PTPRN2: variants seen among roughly 807,000 people sequenced by gnomAD.
PTPRN2 encodes receptor-type tyrosine-protein phosphatase N2.
In PTPRN2, 74 loss-of-function variants were observed where a neutral mutation model predicts 118.8. The ratio of observed to expected loss-of-function variants is 0.62; its 90% CI spans 0.52 to 0.76. PTPRN2 has a LOEUF of 0.76. PTPRN2 is among the 30% of genes least tolerant of loss of function. PTPRN2 has a pLI of 0.00. For synonymous variants in PTPRN2, 641 were observed against 608.0 expected (o/e 1.05, Z -0.80); for missense variants, 1,481 against 1,394.4 (o/e 1.06, Z -0.99).
chr7:158,566,865 G>A (rs536050018), intron 1 of PTPRN2, among the ~76,000 whole-genome samples: 20 of 152,136 alleles, frequency 1.3e-4, no homozygotes, highest in East Asian at 3.9e-4. Flanking sequence ...ATAGGGAGCC[G>A]CTACCACACC....
At chr7:157,968,889 G>A (rs1211792807) in intron 11 of PTPRN2, among the ~76,000 whole-genome samples, 1 of 152,164 alleles carries the variant, frequency 6.6e-6, no homozygotes, top group Admixed American at 6.5e-5. Flanking sequence ...GAGTTAAAAC[G>A]AGCAGTAGGC....
intron 12 of PTPRN2, among the ~76,000 whole-genome samples, chr7:157,793,470 G>T (rs1299320526): frequency 6.6e-6 from 1 of 151,750 alleles, no homozygotes; most frequent in African/African-American, 2.4e-5. Context: ...ATTGGGGGAG[G>T]AAAGGATCTG....
chr7:157,700,906 C>T (rs568930367), intron 12 of PTPRN2, among the ~76,000 whole-genome samples: 1 of 152,200 alleles, frequency 6.6e-6, no homozygotes, highest in Non-Finnish European at 1.5e-5. Flanking sequence ...TGTTTGAGGT[C>T]GAATGCTGAG....
intron 2 of PTPRN2, among the ~76,000 whole-genome samples, chr7:158,480,215 C>T (rs542707527): frequency 6.6e-6 from 1 of 152,286 alleles, no homozygotes; most frequent in East Asian, 1.9e-4. Flanking sequence ...ACGTGCTCAT[C>T]GCCTGTCTCT....
chr7:158,180,012 G>A (rs1270846024), intron 5 of PTPRN2, among the ~76,000 whole-genome samples: 1 of 152,262 alleles, frequency 6.6e-6, no homozygotes, highest in Non-Finnish European at 1.5e-5. Flanking sequence ...TGCAGGAGCA[G>A]TCACAGAGCT....
chr7:158,357,658 A>C (rs1369886210), intron 2 of PTPRN2, among the ~76,000 whole-genome samples: 3 of 152,238 alleles, frequency 2.0e-5, no homozygotes, highest in African/African-American at 7.2e-5. Flanking sequence ...TGCAGCCGTC[A>C]GCCATCAGCA....
chr7:158,502,096 C>G (rs867830965), intron 1 of PTPRN2, among the ~76,000 whole-genome samples: 1 of 152,126 alleles, frequency 6.6e-6, no homozygotes, highest in Non-Finnish European at 1.5e-5. Context: ...ATCCCAGGGC[C>G]GGGAGAAAAG....
chr7:158,512,149 G>A (rs144436964), intron 1 of PTPRN2, among the ~76,000 whole-genome samples: 45 of 152,278 alleles, frequency 3.0e-4, no homozygotes, highest in African/African-American at 8.4e-4. Context: ...TGACACCAAC[G>A]GGGCAGGAGA....
chr7:158,086,333 G>A (rs1264812994), intron 10 of PTPRN2, among the ~76,000 whole-genome samples: 1 of 152,148 alleles, frequency 6.6e-6, no homozygotes, highest in Non-Finnish European at 1.5e-5. Flanking sequence ...CCTGGCGTCC[G>A]CCTGCACCAC....
intron 10 of PTPRN2, among the ~76,000 whole-genome samples, chr7:158,089,640 C>T (rs1813855436): frequency 7.9e-6 from 1 of 127,070 alleles, no homozygotes; most frequent in East Asian, 2.3e-4. Flanking sequence ...CACAAACCTT[C>T]TTCCCCTGAT....
chr7:158,165,869 C>A (rs530576580), intron 6 of PTPRN2, among the ~76,000 whole-genome samples: 2 of 152,294 alleles, frequency 1.3e-5, no homozygotes, highest in Admixed American at 6.5e-5. Flanking sequence ...GGTAGCGACA[C>A]CGGAAGCCAC....
intron 9 of PTPRN2, among the ~76,000 whole-genome samples, chr7:158,125,441 C>T (rs936138400): frequency 1.3e-5 from 2 of 152,196 alleles, no homozygotes; most frequent in African/African-American, 4.8e-5. Flanking sequence ...GTCGGGGATG[C>T]TGAGGTTTGG....
intron 12 of PTPRN2, chr7:157,855,908 T>A (rs564219741): frequency 3.5e-4 from 53 of 152,286 alleles, no homozygotes; most frequent in African/African-American, 1.3e-3. Context: ...TGATACTGAG[T>A]TGATATTTTG....
At chr7:158,031,625 G>C (rs1807689653) in intron 11 of PTPRN2, among the ~76,000 whole-genome samples, 1 of 152,120 alleles carries the variant, frequency 6.6e-6, no homozygotes, top group African/African-American at 2.4e-5. Flanking sequence ...AAAAGAAAAA[G>C]ATAAATGGAG....
chr7:157,655,948 CATTT>C (rs1462110939), intron 14 of PTPRN2, among the ~76,000 whole-genome samples: 1 of 151,898 alleles, frequency 6.6e-6, no homozygotes, highest in Admixed American at 6.6e-5. Flanking sequence ...ACAGCAGTGA[CATTT>C]ATTTACCCAA....
chr7:158,541,678 T>C, intron 1 of PTPRN2: 1 of 1,307,568 alleles, frequency 7.6e-7, no homozygotes, highest in Non-Finnish European at 1.0e-6. Flanking sequence ...TTAGTTAATC[T>C]GTTGAAGACT....
At chr7:158,200,994 AAAG>A (rs2150733241) in intron 4 of PTPRN2, among the ~76,000 whole-genome samples, 1 of 152,312 alleles carries the variant, frequency 6.6e-6, no homozygotes, top group East Asian at 1.9e-4. Flanking sequence ...AGAACAGCAA[AAAG>A]AAGAAAATCT....
rs537762359 is a variant in PTPRN2, at chr7:158,182,832, C to T, written c.549+9495G>A. Among the ~76,000 whole-genome samples the T allele has an allele frequency of 3.3e-5, 5 of 152,174 alleles. No individual in the cohort carries two copies. In the South Asian group the frequency reaches 1.0e-3, roughly 32 times the overall value. On this transcript the variant is annotated intron_variant, in intron 5 of 22. Transcript: ENST00000389418. ...TTTGTTCTAGAGTGTAGACTAAGTCCATTGTTTCCTTGTTGACTTTCTGTC... is the reference window on the plus strand; with the variant it reads ...TTTGTTCTAGAGTGTAGACTAAGTCTATTGTTTCCTTGTTGACTTTCTGTC...
intron 1 of PTPRN2, among the ~76,000 whole-genome samples, chr7:158,558,033 G>A (rs1827159050): frequency 6.6e-6 from 1 of 152,200 alleles, no homozygotes; most frequent in South Asian, 2.1e-4. Flanking sequence ...TGCCCAGGCT[G>A]GAGTGCAGTG....
Sources: gnomAD v4.1 joint callset for allele counts (sites outside exome capture counted in the v4.1 genomes callset) on GRCh38, gnomAD v4.1.1 for gene constraint, MANE v1.5 for transcripts, NCBI Gene and HGNC (gene_info 2026-07-23, HGNC 2026-07-21) for gene names.